The following PCDHGB3 variants were observed in gnomAD, a reference collection of about 807,000 sequenced individuals.
PCDHGB3 encodes protocadherin gamma-B3.
PCDHGB3 carries 40 observed loss-of-function variants against 59.2 expected under a neutral mutation model. The ratio of observed to expected loss-of-function variants is 0.68; its 90% CI spans 0.52 to 0.88. The LOEUF (loss-of-function observed/expected upper bound fraction) is 0.88. Ranked by LOEUF, PCDHGB3 falls within the 40% of genes least tolerant of loss-of-function variation. The pLI is 0.00. For synonymous variants in PCDHGB3, 581 were observed against 503.6 expected, an observed-to-expected ratio of 1.15 and a Z score of -2.06; for missense variants, 1,309 against 1,187.9, an observed-to-expected ratio of 1.10 and a Z score of -1.50.
Position 141,393,932 on chromosome 5 carries a change from C to A in PCDHGB3, c.2415+21123C>A, listed in dbSNP as rs758815375. 2.7e-5 allele frequency: 44 copies of A among 1,613,798 alleles called. No individual in the cohort carries two copies. Among genetic ancestry groups the A allele is most frequent in the Non-Finnish European group, 3.6e-5 (43 of 1,179,882 alleles). On this transcript the variant is annotated intron_variant, in intron 1 of 3. Coordinates refer to ENST00000576222, the MANE Select transcript of PCDHGB3 (RefSeq NM_018924.5). Reference sequence around the variant, plus strand: ...TAATTGCCTTCTTGAGTGTGCATGACCAAGACTCTGGAAAGAATGGTCAAG... The same window carrying A: ...TAATTGCCTTCTTGAGTGTGCATGAACAAGACTCTGGAAAGAATGGTCAAG...
rs57426385 is a variant in PCDHGB3, at chr5:141,415,740, G to GTTTTTTTTTTTTT, written c.2415+42951_2415+42963dup. ...TGAGTAGAATTTGATGTTTATTAAGGTTTTTTTTTTTTTTTTTTTTTTTTT... is the reference window on the plus strand; with the variant it reads ...TGAGTAGAATTTGATGTTTATTAAGGTTTTTTTTTTTTTTTTTTTTTTTTTTTTTTTTTTTTTT... On this transcript the variant is annotated intron_variant, in intron 1 of 3. Coordinates refer to ENST00000576222, the MANE Select transcript of PCDHGB3 (RefSeq NM_018924.5). The GTTTTTTTTTTTTT allele has an allele frequency of 2.5e-4, 159 of 625,022 alleles. 3 individuals carry two copies. Among genetic ancestry groups the GTTTTTTTTTTTTT allele is most frequent in the Admixed American group, 5.7e-4 (8 of 14,124 alleles). 38.7% of individuals were successfully genotyped at this position (625,022 alleles called of 1,614,324 possible).
chr5:141,384,510 C>T (rs1038523588), intron 1 of PCDHGB3: 16 of 1,614,028 alleles, frequency 9.9e-6, no homozygotes, highest in African/African-American at 2.7e-5. Flanking sequence ...CACATGACAG[C>T]GGGGACCCGC....
At chr5:141,376,928 C>G (rs928041482) in intron 1 of PCDHGB3, 1 of 168,908 alleles carries the variant, frequency 5.9e-6, no homozygotes, top group Non-Finnish European at 1.3e-5. Flanking sequence ...ACCTCATGAT[C>G]CACCCGCCTC....
chr5:141,418,125 G>T (rs765373450), intron 1 of PCDHGB3: 7 of 1,613,968 alleles, frequency 4.3e-6, no homozygotes, highest in African/African-American at 2.7e-5. Flanking sequence ...GTGAAGGACC[G>T]AATAGACCGT....
intron 1 of PCDHGB3, chr5:141,389,331 G>C (rs1212558688): frequency 6.2e-7 from 1 of 1,613,868 alleles, no homozygotes; most frequent in Non-Finnish European, 8.5e-7. Flanking sequence ...GGGGCCCAAC[G>C]GCCAAGTCTC....
At position 141,432,818 on chromosome 5, in the gene PCDHGB3, T is replaced by C. The variant is rs370597280; in HGVS notation, c.2415+60009T>C. On this transcript the variant is annotated intron_variant, in intron 1 of 3. Transcript: ENST00000576222. This position sits in a 1 kb window ranked among gnomAD's most constrained non-coding sequence, Gnocchi z 6.0. The stretch of plus-strand genomic sequence containing the variant: ...CGAGTCTCCAGCTAACTCTGAAACC[T>C]CAGACCTCACTCTGTACCTGGTGGT... 9.9e-6 allele frequency: 16 copies of C among 1,614,106 alleles called. No individual in the cohort carries two copies. The highest frequency in any genetic ancestry group is 1.4e-5 in the Non-Finnish European group (16 of 1,179,986).
intron 3 of PCDHGB3, among the ~76,000 whole-genome samples, chr5:141,507,645 G>A (rs565235954): frequency 6.6e-6 from 1 of 152,382 alleles, no homozygotes; most frequent in South Asian, 2.1e-4. Flanking sequence ...CTGAGGCCAG[G>A]AAGCAGCTTT....
intron 1 of PCDHGB3, chr5:141,421,199 A>C (rs991814876): frequency 2.0e-6 from 3 of 1,514,716 alleles, no homozygotes; most frequent in Non-Finnish European, 2.6e-6. Context: ...CAGCTCGAGA[A>C]ACCGCGGAAT....
intron 1 of PCDHGB3, among the ~76,000 whole-genome samples, chr5:141,459,494 G>C (rs1454297107): frequency 2.0e-5 from 3 of 152,200 alleles, no homozygotes; most frequent in African/African-American, 7.2e-5. Context: ...CTGAATTAAA[G>C]TGATGTGAAC....
intron 1 of PCDHGB3, chr5:141,430,951 C>T (rs200771871): frequency 3.2e-5 from 51 of 1,610,496 alleles, no homozygotes; most frequent in African/African-American, 1.5e-4. Context: ...AGCGCGGAGT[C>T]CGCATCATCC....
chr5:141,488,714 A>G (rs2099678684), intron 1 of PCDHGB3, among the ~76,000 whole-genome samples: 1 of 152,192 alleles, frequency 6.6e-6, no homozygotes, highest in Non-Finnish European at 1.5e-5. Flanking sequence ...TGGTTCAAGC[A>G]AAGTGGTGGA....
chr5:141,371,726 T>G lies in PCDHGB3; in HGVS notation c.1332T>G (p.Asp444Glu), dbSNP rs769173416. The G allele has an allele frequency of 1.9e-6, 3 of 1,613,932 alleles. No homozygotes were observed. Among genetic ancestry groups the G allele is most frequent in the Non-Finnish European group, 2.5e-6 (3 of 1,179,904 alleles). ...AGACCATCACTCTGCACATCCTTGA[T>G]GTCAACGACAACGTTCCCGTTTTCC... ...SSKTITLHIL[D>E]VNDNVPVFHQ... Residue 444 changes from aspartate (D) to glutamate (E), a missense_variant, in exon 1 of 4, where the codon GAT becomes GAG. By Grantham distance (45) the Asp-to-Glu change is conservative. Transcript: ENST00000576222.
intron 1 of PCDHGB3, among the ~76,000 whole-genome samples, chr5:141,381,361 G>T (rs1050283609): frequency 2.0e-5 from 3 of 152,198 alleles, no homozygotes; most frequent in Non-Finnish European, 4.4e-5. Context: ...CTAGCAGAGG[G>T]TAGCCTCGGA....
Position 141,404,163 on chromosome 5 carries a change from T to C in PCDHGB3, c.2415+31354T>C, listed in dbSNP as rs372897104. The C allele has an allele frequency of 4.6e-5, 74 of 1,613,126 alleles. No homozygotes were observed. The South Asian group carries it at 7.9e-4, about 17-fold the overall frequency. ...AATTCAGAAGAAGATTATTACAGATTGTTGACGGCCCAAATTCTTGACCGA... is the reference window on the plus strand; with the variant it reads ...AATTCAGAAGAAGATTATTACAGATCGTTGACGGCCCAAATTCTTGACCGA... On this transcript the variant is annotated intron_variant, in intron 1 of 3. Transcript: ENST00000576222.
intron 1 of PCDHGB3, among the ~76,000 whole-genome samples, chr5:141,446,107 T>C (rs1031524158): frequency 6.6e-6 from 1 of 152,130 alleles, no homozygotes; most frequent in Admixed American, 6.5e-5. Flanking sequence ...TATAGATATA[T>C]TTAGGAAATG....
At chr5:141,418,563 C>A (rs2096269554) in intron 1 of PCDHGB3, 2 of 1,613,998 alleles carry the variant, frequency 1.2e-6, no homozygotes, top group Non-Finnish European at 1.7e-6. Context: ...GTAATAGATG[C>A]CAATGACAAC....
chr5:141,423,061 G>T, intron 1 of PCDHGB3: 2 of 1,614,160 alleles, frequency 1.2e-6, no homozygotes, highest in Non-Finnish European at 1.7e-6. Context: ...CCTGCTTAAG[G>T]CCAGCGAGCC....
At chr5:141,418,802 T>G (rs775155011) in intron 1 of PCDHGB3, 1 of 1,613,862 alleles carries the variant, frequency 6.2e-7, no homozygotes, top group Non-Finnish European at 8.5e-7. Flanking sequence ...AGTAGAAAGA[T>G]ATACGATAAA....
At position 141,414,140 on chromosome 5, in the gene PCDHGB3, A is replaced by G. The variant is rs764980296; in HGVS notation, c.2415+41331A>G. ...GAAGAAACCGGTTTCTATGAAATAG[A>G]AATACAAGCAGAAGATGGAGGAGCA... On this transcript the variant is annotated intron_variant, in intron 1 of 3. Transcript: ENST00000576222. 4 of 1,596,912 alleles carry G rather than the reference A, an allele frequency of 2.5e-6. No individual in the cohort carries two copies. In the African/African-American group the frequency reaches 5.4e-5, roughly 21 times the overall value.
Sources: allele counts gnomAD v4.1 joint callset (sites outside exome capture counted in the v4.1 genomes callset), GRCh38; gene constraint gnomAD v4.1.1; non-coding constraint Gnocchi (gnomAD v3.1); transcripts MANE v1.5; gene names NCBI Gene and HGNC (gene_info 2026-07-23, HGNC 2026-07-21).